Variants in WAC observed in about 807,000 individuals in gnomAD.
WAC encodes the protein WW domain-containing adapter protein with coiled-coil.
Under a neutral mutation model 79.6 loss-of-function variants are expected in WAC, and 11 were observed. The ratio of observed to expected loss-of-function variants is 0.14; its 90% CI spans 0.09 to 0.23. The LOEUF is 0.23. WAC is among the 10% of genes least tolerant of loss of function. The pLI is 1.00. For missense variants in WAC, 728 were observed against 773.5 expected (o/e 0.94, Z 0.70); for synonymous variants, 304 against 276.9 (o/e 1.10, Z -0.97).
At chr10:28,549,110 G>C (rs1837525962) in intron 3 of WAC, among the ~76,000 whole-genome samples, 1 of 152,144 alleles carries the variant, frequency 6.6e-6, no homozygotes, top group Non-Finnish European at 1.5e-5. Context: ...TGTTACCCAG[G>C]CTGGTCTTGA....
chr10:28,602,250 T>C (rs1214450697), intron 7 of WAC, among the ~76,000 whole-genome samples: 1 of 152,230 alleles, frequency 6.6e-6, no homozygotes, highest in Non-Finnish European at 1.5e-5. Flanking sequence ...TGCTTATCTT[T>C]TGTGTGTATT....
At chr10:28,570,716 A>C (rs1470743046) in intron 3 of WAC, among the ~76,000 whole-genome samples, 1 of 152,160 alleles carries the variant, frequency 6.6e-6, no homozygotes, top group Non-Finnish European at 1.5e-5. Context: ...AAATATATAA[A>C]AGGATAATTG....
At chr10:28,541,455 C>G (rs1340368397) in intron 3 of WAC, among the ~76,000 whole-genome samples, 2 of 108,142 alleles carry the variant, frequency 1.8e-5, no homozygotes, top group Non-Finnish European at 3.5e-5. Flanking sequence ...TTAAGACAGT[C>G]TCACTCTGTA....
chr10:28,570,501 A>G (rs1838887582), intron 3 of WAC, among the ~76,000 whole-genome samples: 1 of 152,244 alleles, frequency 6.6e-6, no homozygotes, highest in South Asian at 2.1e-4. Context: ...GACTGAATTA[A>G]GAGTTGATCC....
chr10:28,619,682 C>A lies in WAC; in HGVS notation c.*76C>A. ...GCCCAATCTTAACATTTTTGAGCTG[C>A]ATTTAAGTAGACTTTGGACCGTTAA... On this transcript the variant is annotated 3_prime_UTR_variant, in exon 14 of 14. Coordinates refer to ENST00000354911, the MANE Select transcript of WAC (RefSeq NM_016628.5). 1 of 1,279,114 alleles carries A rather than the reference C, an allele frequency of 7.8e-7. No individual in the cohort carries two copies. Among genetic ancestry groups the A allele is most frequent in the Non-Finnish European group, 1.1e-6 (1 of 937,198 alleles). The allele number at this position is 1,279,114 out of a possible 1,614,324, so 79.2% of individuals were successfully genotyped here.
intron 9 of WAC, 181 bp downstream of exon 9, chr10:28,611,002 C>A: frequency 1.5e-6 from 1 of 654,692 alleles, no homozygotes; most frequent in Non-Finnish European, 2.4e-6. Flanking sequence ...TATTTCCTTT[C>A]TTTTTAGATG....
At chr10:28,558,664 C>G (rs561781606) in intron 3 of WAC, among the ~76,000 whole-genome samples, 4 of 152,160 alleles carry the variant, frequency 2.6e-5, no homozygotes, top group African/African-American at 9.6e-5. Context: ...GTATCAGAGA[C>G]TAAAATCATG....
rs1043729565 is a variant in WAC, at chr10:28,533,192, G to GAGA, written c.-382_-380dup. Reference sequence around the variant, plus strand: ...GCGGCGGCGGCGGGAGGAGGAGGAGGAGAAGAAGGACCAGGCGGCGGCAGC... The same window carrying GAGA: ...GCGGCGGCGGCGGGAGGAGGAGGAGGAGAAGAAGAAGGACCAGGCGGCGGCAGC... On this transcript the variant is annotated 5_prime_UTR_variant, in exon 1 of 14. Coordinates refer to ENST00000354911, the MANE Select transcript of WAC (RefSeq NM_016628.5). 16 of 171,466 alleles carry GAGA rather than the reference G, an allele frequency of 9.3e-5. No homozygotes were observed. Among genetic ancestry groups the GAGA allele is most frequent in the Non-Finnish European group, 1.6e-4 (13 of 81,606 alleles). 10.6% of individuals were successfully genotyped at this position (171,466 alleles called of 1,614,324 possible).
chr10:28,572,821 A>C (rs1025282278), intron 3 of WAC, among the ~76,000 whole-genome samples: 1 of 152,188 alleles, frequency 6.6e-6, no homozygotes, highest in African/African-American at 2.4e-5. Context: ...CAGCAACAAC[A>C]ACAAAAACCT....
chr10:28,571,270 G>A (rs745441628), intron 3 of WAC, among the ~76,000 whole-genome samples: 3 of 152,012 alleles, frequency 2.0e-5, no homozygotes, highest in Non-Finnish European at 4.4e-5. Flanking sequence ...GTGATGCCGC[G>A]AGTACTATTC....
chr10:28,547,967 C>T (rs1171192334), intron 3 of WAC, among the ~76,000 whole-genome samples: 1 of 147,692 alleles, frequency 6.8e-6, no homozygotes, highest in Admixed American at 6.9e-5. Context: ...GTTGCTGAAC[C>T]TGGAGTGTAG....
intron 3 of WAC, among the ~76,000 whole-genome samples, chr10:28,560,304 C>T (rs560049351): frequency 2.6e-5 from 4 of 152,178 alleles, no homozygotes; most frequent in Admixed American, 1.3e-4. Context: ...GGAGGTCTAG[C>T]GAGCCGTCCT....
chr10:28,536,526 G>A (rs1472224923), intron 3 of WAC, among the ~76,000 whole-genome samples: 1 of 152,110 alleles, frequency 6.6e-6, no homozygotes, highest in Non-Finnish European at 1.5e-5. Flanking sequence ...AATTATTTAT[G>A]ACTTAGAAAA....
intron 3 of WAC, among the ~76,000 whole-genome samples, chr10:28,572,598 G>T (rs914162906): frequency 6.6e-6 from 1 of 151,898 alleles, no homozygotes; most frequent in Admixed American, 6.6e-5. Flanking sequence ...ATCACTTGAG[G>T]TCAGAAGTTC....
At chr10:28,551,955 G>A (rs1837704032) in intron 3 of WAC, among the ~76,000 whole-genome samples, 1 of 151,728 alleles carries the variant, frequency 6.6e-6, no homozygotes, top group African/African-American at 2.4e-5. Flanking sequence ...GCCTCCCAAG[G>A]AGCTGGGATT....
At position 28,590,729 on chromosome 10, in the gene WAC, A is replaced by G. The variant is rs1415508423; in HGVS notation, c.507A>G (p.Arg169=). The G allele has an allele frequency of 6.9e-6, 11 of 1,602,958 alleles. No homozygotes were observed. In the African/African-American group the frequency reaches 8.1e-5, roughly 12 times the overall value. The change falls in exon 6 of 14, where the codon AGA becomes AGG. Residue 169 remains arginine (R), a synonymous_variant. Transcript: ENST00000354911. ...TTTTTTTTATTTTTAGAGAACAGAGACAAAAAGAAGCAAACAAGATGGCAG... is the reference window on the plus strand; with the variant it reads ...TTTTTTTTATTTTTAGAGAACAGAGGCAAAAAGAAGCAAACAAGATGGCAG... The part of the protein sequence containing the change: ...KPKEWLEREQ[R]QKEANKMAVN...
chr10:28,610,099 T>TTTTTTGTA (rs1841159505), intron 8 of WAC, among the ~76,000 whole-genome samples: 1 of 151,814 alleles, frequency 6.6e-6, no homozygotes, highest in South Asian at 2.1e-4. Flanking sequence ...GCCCAGCTAA[T>TTTTTTGTA]TTTTTGTATT....
At chr10:28,585,982 T>C (rs940143494) in intron 4 of WAC, among the ~76,000 whole-genome samples, 40 of 152,180 alleles carry the variant, frequency 2.6e-4, no homozygotes, top group African/African-American at 9.7e-4. Context: ...TTGAAGACCA[T>C]TACTAGAATA....
chr10:28,533,922 G>T, intron 1 of WAC, 76 bp from the exon 2 acceptor site: 2 of 1,558,586 alleles, frequency 1.3e-6, no homozygotes, highest in Non-Finnish European at 1.8e-6. Flanking sequence ...GGGGCGGCGG[G>T]GGCCCCGTTT....
Sources: allele counts gnomAD v4.1 joint callset (sites outside exome capture counted in the v4.1 genomes callset), GRCh38; gene constraint gnomAD v4.1.1; transcripts MANE v1.5; gene names NCBI Gene and HGNC (gene_info 2026-07-23, HGNC 2026-07-21).